Variants in LRRTM3 observed in about 807,000 individuals in gnomAD.
LRRTM3 encodes the protein leucine-rich repeat transmembrane neuronal protein 3.
Under a neutral mutation model 44.7 loss-of-function variants are expected in LRRTM3, and 24 were observed. That is an observed-to-expected ratio of 0.54 (90% CI 0.39 to 0.76). LRRTM3 has a LOEUF of 0.76. Among genes scored for constraint, LRRTM3 ranks in the 30% least tolerant of loss-of-function variants. The pLI is 0.00. For synonymous variants in LRRTM3, 277 were observed against 278.7 expected (o/e 0.99, Z 0.06); for missense variants, 587 against 702.2 (o/e 0.84, Z 1.85).
intron 2 of LRRTM3, among the ~76,000 whole-genome samples, chr10:66,998,335 A>G (rs565352847): frequency 6.6e-5 from 10 of 152,342 alleles, no homozygotes; most frequent in African/African-American, 1.9e-4. Flanking sequence ...AATAGAAGAT[A>G]GAACAATATT....
intron 2 of LRRTM3, among the ~76,000 whole-genome samples, chr10:67,039,861 C>T (rs1430683091): frequency 6.6e-6 from 1 of 152,140 alleles, no homozygotes; most frequent in Non-Finnish European, 1.5e-5. Context: ...AAGACCGTTA[C>T]AGATTAATCT....
At chr10:66,965,695 G>T (rs1849377328) in intron 2 of LRRTM3, among the ~76,000 whole-genome samples, 1 of 151,520 alleles carries the variant, frequency 6.6e-6, no homozygotes, top group Non-Finnish European at 1.5e-5. Context: ...CTGTAGCAAA[G>T]CCTTTCCCTG....
chr10:67,001,736 C>T (rs892865266), intron 2 of LRRTM3, among the ~76,000 whole-genome samples: 1 of 152,202 alleles, frequency 6.6e-6, no homozygotes, highest in South Asian at 2.1e-4. Flanking sequence ...GTCAGGCACA[C>T]ATCAAGGACA....
Position 66,926,468 on chromosome 10 carries a change from C to T in LRRTM3, c.-116C>T. 4 of 1,220,716 alleles carry T rather than the reference C, an allele frequency of 3.3e-6. No individual in the cohort carries two copies. The South Asian group carries it at 5.2e-5, about 16-fold the overall frequency. The allele number at this position is 1,220,716 out of a possible 1,614,324, so 75.6% of individuals were successfully genotyped here. On this transcript the variant is annotated 5_prime_UTR_variant, in exon 1 of 3. Coordinates refer to ENST00000361320, the MANE Select transcript of LRRTM3 (RefSeq NM_178011.5). ...CCATCTCCCAAGGGGTCCAATTTTT[C>T]TTCCTGGGTGTCAGCGAGCCCTGAC... is the stretch of plus-strand genomic sequence containing the variant.
intron 2 of LRRTM3, among the ~76,000 whole-genome samples, chr10:67,040,555 G>T (rs1423921973): frequency 1.3e-5 from 2 of 151,932 alleles, no homozygotes; most frequent in Non-Finnish European, 2.9e-5. Context: ...AGTTCTTATG[G>T]ATTCTTCTGA....
intron 2 of LRRTM3, among the ~76,000 whole-genome samples, chr10:67,047,204 T>C (rs1188520978): frequency 4.6e-5 from 7 of 152,208 alleles, no homozygotes; most frequent in African/African-American, 1.7e-4. Flanking sequence ...TTTAACATTT[T>C]TTCTGGAGCC....
At chr10:66,955,610 T>C (rs1316561772) in intron 2 of LRRTM3, among the ~76,000 whole-genome samples, 1 of 152,132 alleles carries the variant, frequency 6.6e-6, no homozygotes, top group Admixed American at 6.6e-5. Context: ...AAATGTTGGA[T>C]GAATGGATAT....
chr10:67,030,314 C>T (rs1302096050), intron 2 of LRRTM3, among the ~76,000 whole-genome samples: 1 of 152,144 alleles, frequency 6.6e-6, no homozygotes, highest in Non-Finnish European at 1.5e-5. Flanking sequence ...AAGCAATCTG[C>T]ATATGCTATC....
chr10:67,052,335 TC>T (rs1406764116), intron 2 of LRRTM3, among the ~76,000 whole-genome samples: 11 of 151,568 alleles, frequency 7.3e-5, no homozygotes, highest in South Asian at 4.2e-4. Context: ...TCTCTCTCTC[TC>T]TCTCTCTCTC....
chr10:67,001,482 G>C (rs1426182903), intron 2 of LRRTM3, among the ~76,000 whole-genome samples: 4 of 151,732 alleles, frequency 2.6e-5, no homozygotes, highest in Admixed American at 6.6e-5. Context: ...AATGGGAATG[G>C]GGGGCACAGA....
chr10:67,087,596 A>C (rs1857376837), intron 2 of LRRTM3, among the ~76,000 whole-genome samples: 1 of 152,032 alleles, frequency 6.6e-6, no homozygotes, highest in Admixed American at 6.6e-5. Flanking sequence ...TTAAAATCAA[A>C]TAAAAAATAA....
At position 67,011,108 on chromosome 10, in the gene LRRTM3, T is replaced by A. The variant is rs540249715; in HGVS notation, c.1536+82656T>A. 2.0e-5 allele frequency among the ~76,000 whole-genome samples: 3 copies of A among 152,162 alleles called. No homozygotes were observed. The East Asian group carries it at 5.8e-4, about 29-fold the overall frequency. On this transcript the variant is annotated intron_variant, in intron 2 of 2. Coordinates refer to ENST00000361320, the MANE Select transcript of LRRTM3 (RefSeq NM_178011.5). ...ACTTTGGGAGGCCAAGGCAGACGGA[T>A]CACGAAGTCAAGGGGTCAAGACCAT...
chr10:67,028,128 T>G (rs1426373562), intron 2 of LRRTM3, among the ~76,000 whole-genome samples: 1 of 152,204 alleles, frequency 6.6e-6, no homozygotes, highest in Non-Finnish European at 1.5e-5. Flanking sequence ...TCTCTACTGA[T>G]GAGTGTATGC....
intron 2 of LRRTM3, chr10:67,054,521 T>A (rs1855305649): frequency 6.6e-6 from 1 of 152,146 alleles, no homozygotes; most frequent in South Asian, 2.1e-4. Context: ...ATGGCGACTT[T>A]TTAAAGTAAA....
At chr10:67,031,722 C>T (rs967367620) in intron 2 of LRRTM3, among the ~76,000 whole-genome samples, 1 of 152,012 alleles carries the variant, frequency 6.6e-6, no homozygotes, top group African/African-American at 2.4e-5. Context: ...TTAGTTTCCG[C>T]TCAAAGATAA....
chr10:66,936,777 C>G (rs1012647296), intron 2 of LRRTM3, among the ~76,000 whole-genome samples: 1 of 152,116 alleles, frequency 6.6e-6, no homozygotes, highest in African/African-American at 2.4e-5. Flanking sequence ...GTGCCCAGAG[C>G]TTTCTTGGTT....
intron 2 of LRRTM3, among the ~76,000 whole-genome samples, chr10:67,022,833 G>A (rs188081841): frequency 1.2e-3 from 190 of 152,226 alleles, no homozygotes; most frequent in Middle Eastern, 0.01. Context: ...AGCTACTCAG[G>A]AGGCTGAGGC....
At chr10:66,992,486 C>T (rs1332882453) in intron 2 of LRRTM3, among the ~76,000 whole-genome samples, 2 of 151,522 alleles carry the variant, frequency 1.3e-5, no homozygotes, top group Non-Finnish European at 2.9e-5. Flanking sequence ...TTTGTCAGTT[C>T]TAGTTTTATG....
At chr10:66,999,365 C>A (rs1851550578) in intron 2 of LRRTM3, among the ~76,000 whole-genome samples, 1 of 152,048 alleles carries the variant, frequency 6.6e-6, no homozygotes. Context: ...CAAGAAAAAA[C>A]TTGGGATTCC....
Sources: allele counts gnomAD v4.1 joint callset (sites outside exome capture counted in the v4.1 genomes callset), GRCh38; gene constraint gnomAD v4.1.1; transcripts MANE v1.5; gene names NCBI Gene and HGNC (gene_info 2026-07-23, HGNC 2026-07-21).